STXBP5L: variants seen among roughly 807,000 people sequenced by gnomAD.
STXBP5L encodes syntaxin-binding protein 5-like.
STXBP5L carries 65 observed loss-of-function variants against 144.5 expected under a neutral mutation model. That is an observed-to-expected ratio of 0.45 (90% CI 0.37 to 0.55). STXBP5L has a LOEUF of 0.55. STXBP5L is among the 20% of genes least tolerant of loss of function. The pLI is 0.00. For synonymous variants in STXBP5L, 505 were observed against 469.6 expected, an observed-to-expected ratio of 1.08 and a Z score of -0.97; for missense variants, 1,298 against 1,405.5, an observed-to-expected ratio of 0.92 and a Z score of 1.22.
intron 5 of STXBP5L, among the ~76,000 whole-genome samples, chr3:121,081,497 G>T (rs1449351090): frequency 6.6e-6 from 1 of 152,100 alleles, no homozygotes; most frequent in Admixed American, 6.5e-5. Flanking sequence ...TTGTCTGCTG[G>T]TTTTCCCAGA....
At chr3:121,201,962 GC>G (rs2048157169) in intron 9 of STXBP5L, among the ~76,000 whole-genome samples, 1 of 152,098 alleles carries the variant, frequency 6.6e-6, no homozygotes. Context: ...CACCATGTTG[GC>G]CAGGCCGGTG....
At chr3:121,170,439 C>T (rs564674132) in intron 9 of STXBP5L, among the ~76,000 whole-genome samples, 59 of 151,282 alleles carry the variant, frequency 3.9e-4, no homozygotes, top group South Asian at 4.2e-4. Flanking sequence ...CAAAATAGAC[C>T]GCTAGTCAGA....
At chr3:121,152,586 G>GA in intron 8 of STXBP5L, 26 bp downstream of exon 8, 2 of 1,518,954 alleles carry the variant, frequency 1.3e-6, no homozygotes, top group Non-Finnish European at 1.8e-6. Context: ...CGACATGTTT[G>GA]AAAGAGTATT....
intron 3 of STXBP5L, among the ~76,000 whole-genome samples, chr3:121,039,132 C>T (rs1031991834): frequency 9.9e-5 from 15 of 151,714 alleles, no homozygotes; most frequent in South Asian, 2.1e-4. Context: ...ATAAATCTAC[C>T]ATCTTGCTCT....
At chr3:121,100,326 C>T (rs756013879) in intron 5 of STXBP5L, among the ~76,000 whole-genome samples, 7 of 152,148 alleles carry the variant, frequency 4.6e-5, no homozygotes, top group Non-Finnish European at 8.8e-5. Context: ...AGAACATACT[C>T]CAAACTTGAC....
chr3:120,910,551 T>C (rs1398334830), intron 2 of STXBP5L, among the ~76,000 whole-genome samples: 1 of 152,152 alleles, frequency 6.6e-6, no homozygotes, highest in Non-Finnish European at 1.5e-5. Context: ...ATGTGCCTAT[T>C]ATATGCAACA....
chr3:121,035,180 AT>A (rs1946668815), intron 3 of STXBP5L, among the ~76,000 whole-genome samples: 1 of 152,002 alleles, frequency 6.6e-6, no homozygotes, highest in East Asian at 1.9e-4. Context: ...CGTTCTGTTG[AT>A]TGTTTCCTTT....
At chr3:121,006,347 C>G (rs1185213836) in intron 3 of STXBP5L, among the ~76,000 whole-genome samples, 1 of 152,062 alleles carries the variant, frequency 6.6e-6, no homozygotes, top group East Asian at 1.9e-4. Context: ...GGTTTAAAGT[C>G]TGTTTTATCA....
Position 121,346,389 on chromosome 3 carries a change from A to G in STXBP5L, c.2176+27849A>G, listed in dbSNP as rs573515427. Reference sequence around the variant, plus strand: ...GGGTTGGTTCCAAGTCTTTGCTATTATGAATAGTGCCGCAATAAACATACA... The same window carrying G: ...GGGTTGGTTCCAAGTCTTTGCTATTGTGAATAGTGCCGCAATAAACATACA... On this transcript the variant is annotated intron_variant, in intron 20 of 26. Transcript: ENST00000471454. 5.9e-5 allele frequency among the ~76,000 whole-genome samples: 9 copies of G among 151,594 alleles called. No homozygotes were observed. In the South Asian group the frequency reaches 1.5e-3, roughly 24 times the overall value.
intron 9 of STXBP5L, among the ~76,000 whole-genome samples, chr3:121,201,272 C>T (rs2048127616): frequency 1.3e-5 from 2 of 152,114 alleles, no homozygotes; most frequent in South Asian, 4.1e-4. Flanking sequence ...TATGTAATGT[C>T]CTTCTTTTCC....
intron 9 of STXBP5L, among the ~76,000 whole-genome samples, chr3:121,172,445 G>A (rs527793227): frequency 5.9e-5 from 9 of 152,216 alleles, no homozygotes; most frequent in Admixed American, 3.3e-4. Context: ...ATCTGACAAA[G>A]GGCTAATATC....
intron 11 of STXBP5L, among the ~76,000 whole-genome samples, chr3:121,228,836 C>A (rs2049207666): frequency 1.3e-5 from 2 of 152,208 alleles, no homozygotes; most frequent in African/African-American, 2.4e-5. Context: ...GAGATCATGC[C>A]ACTGCACTCC....
chr3:121,035,163 G>A (rs1184972821), intron 3 of STXBP5L, among the ~76,000 whole-genome samples: 2 of 152,070 alleles, frequency 1.3e-5, no homozygotes, highest in Non-Finnish European at 2.9e-5. Flanking sequence ...TCTGCAGGTT[G>A]GCTATTCGTT....
intron 20 of STXBP5L, among the ~76,000 whole-genome samples, chr3:121,373,889 C>T (rs956022579): frequency 2.0e-5 from 3 of 152,156 alleles, no homozygotes; most frequent in Admixed American, 6.5e-5. Context: ...ATTGACACTG[C>T]CAGTGCCAAT....
At position 121,005,754 on chromosome 3, in the gene STXBP5L, T is replaced by C. The variant is rs557502002; in HGVS notation, c.288-35946T>C. 3.9e-5 allele frequency among the ~76,000 whole-genome samples: 6 copies of C among 152,352 alleles called. No homozygotes were observed. The East Asian group carries it at 1.2e-3, about 29-fold the overall frequency. ...CCCAGAGATTCTGGTATGTTGTATC[T>C]TTGTTCTCATTGGTTTCAAAGAACA... On this transcript the variant is annotated intron_variant, in intron 3 of 26. Coordinates refer to ENST00000471454, the MANE Select transcript of STXBP5L (RefSeq NM_001308330.2).
intron 12 of STXBP5L, 110 bp from the exon 13 acceptor site, chr3:121,238,861 A>G: frequency 8.9e-7 from 1 of 1,125,270 alleles, no homozygotes; most frequent in Non-Finnish European, 1.2e-6. Flanking sequence ...CTTAAAAAAC[A>G]AGCAAAATTT....
chr3:120,998,819 A>G (rs929184465), intron 3 of STXBP5L, among the ~76,000 whole-genome samples: 2 of 152,180 alleles, frequency 1.3e-5, no homozygotes, highest in Admixed American at 1.3e-4. Flanking sequence ...TGGGCAGTGG[A>G]AGATCTGTAC....
chr3:121,320,539 C>G (rs750421101), intron 20 of STXBP5L, among the ~76,000 whole-genome samples: 1 of 151,628 alleles, frequency 6.6e-6, no homozygotes, highest in Non-Finnish European at 1.5e-5. Flanking sequence ...TTTTCTTGTT[C>G]CCAGTCTCAT....
chr3:120,986,641 T>A (rs1942312649), intron 3 of STXBP5L, among the ~76,000 whole-genome samples: 1 of 151,970 alleles, frequency 6.6e-6, no homozygotes, highest in African/African-American at 2.4e-5. Context: ...ACATTTTGTC[T>A]AATATTAGTA....
Sources: gnomAD v4.1 joint callset for allele counts (sites outside exome capture counted in the v4.1 genomes callset) on GRCh38, gnomAD v4.1.1 for gene constraint, MANE v1.5 for transcripts, NCBI Gene and HGNC (gene_info 2026-07-23, HGNC 2026-07-21) for gene names.